Variants in DOCK2 observed in about 807,000 individuals in gnomAD.
DOCK2 encodes dedicator of cytokinesis protein 2.
Under a neutral mutation model 248.9 loss-of-function variants are expected in DOCK2, and 87 were observed. The observed-to-expected ratio is 0.35, with a 90% CI of 0.29 to 0.42. DOCK2 has a LOEUF of 0.42. DOCK2 is among the 10% of genes least tolerant of loss of function. The pLI is 1.00. For synonymous variants in DOCK2, 805 were observed against 821.6 expected, an observed-to-expected ratio of 0.98 and a Z score of 0.35; for missense variants, 1,747 against 2,300.2, an observed-to-expected ratio of 0.76 and a Z score of 4.92.
In DOCK2 at chr5:169,714,230, G is replaced by A. The variant is rs1202981348; in HGVS notation, c.1843+19G>A. The A allele has an allele frequency of 3.7e-6, 6 of 1,601,794 alleles. No individual in the cohort carries two copies. Among genetic ancestry groups the A allele is most frequent in the Non-Finnish European group, 3.4e-6 (4 of 1,171,538 alleles). On this transcript the variant is annotated intron_variant, in intron 18 of 51. Transcript: ENST00000520908. The stretch of plus-strand genomic sequence containing the variant: ...CAGAATGGTAATCGGGTCATCAAGA[G>A]TTGTGTCTGTGGGGAGTGTGTGTGT...
intron 28 of DOCK2, 130 bp downstream of exon 28, chr5:169,983,296 A>G (rs1777987223): frequency 2.1e-6 from 2 of 962,362 alleles, no homozygotes; most frequent in Non-Finnish European, 3.2e-6. Flanking sequence ...TTGTTGATGA[A>G]TCACAGACAT....
intron 29 of DOCK2, among the ~76,000 whole-genome samples, chr5:169,992,445 G>A (rs537641657): frequency 6.6e-6 from 1 of 152,346 alleles, no homozygotes; most frequent in Admixed American, 6.5e-5. Flanking sequence ...TTTACCATAT[G>A]AGTGCTTAGG....
At position 169,680,961 on chromosome 5, in the gene DOCK2, A is replaced by G. The variant is rs567021012; in HGVS notation, c.471-783A>G. Among the ~76,000 whole-genome samples the G allele has an allele frequency of 6.6e-5, 10 of 152,056 alleles. No homozygotes were observed. The East Asian group carries it at 1.7e-3, about 26-fold the overall frequency. ...ATTTATTTATAAAAATAAATATTGT[A>G]TGCACACTGTATGCATCTTTCCATG... is the stretch of plus-strand genomic sequence containing the variant. On this transcript the variant is annotated intron_variant, in intron 6 of 51. Coordinates refer to ENST00000520908, the MANE Select transcript of DOCK2 (RefSeq NM_004946.3).
At chr5:169,909,618 C>CAT (rs1774481495) in intron 27 of DOCK2, among the ~76,000 whole-genome samples, 1 of 152,154 alleles carries the variant, frequency 6.6e-6, no homozygotes, top group Non-Finnish European at 1.5e-5. Context: ...GACCAACATA[C>CAT]ATATCTTCTA....
At chr5:169,699,062 G>A (rs980348177) in intron 11 of DOCK2, among the ~76,000 whole-genome samples, 8 of 151,886 alleles carry the variant, frequency 5.3e-5, no homozygotes, top group South Asian at 4.1e-4. Flanking sequence ...TGCTGAAGGC[G>A]TGTGATAACG....
chr5:169,763,192 G>A lies in DOCK2; in HGVS notation c.2554+1567G>A, dbSNP rs545308897. Reference sequence around the variant, plus strand: ...GTCTTGTTGCACTTCTTGTGTCACTGTGCCTTTTTAAAGTGAGACTTCCAT... The same window carrying A: ...GTCTTGTTGCACTTCTTGTGTCACTATGCCTTTTTAAAGTGAGACTTCCAT... On this transcript the variant is annotated intron_variant, in intron 25 of 51. Transcript: ENST00000520908. The surrounding 1 kb of genome is among the most constrained non-coding windows in gnomAD (Gnocchi z 4.1). Among the ~76,000 whole-genome samples, 34 of 152,280 alleles carry A rather than the reference G, an allele frequency of 2.2e-4. 2 individuals are homozygous for A. In the South Asian group the frequency reaches 5.0e-3, roughly 22 times the overall value.
chr5:169,769,309 G>C (rs1365511165), intron 25 of DOCK2, among the ~76,000 whole-genome samples: 1 of 152,088 alleles, frequency 6.6e-6, no homozygotes, highest in Non-Finnish European at 1.5e-5. Flanking sequence ...ACTCCCTTTG[G>C]GACTTTAGCC....
At chr5:169,899,499 G>A (rs1244228953) in intron 27 of DOCK2, among the ~76,000 whole-genome samples, 1 of 152,174 alleles carries the variant, frequency 6.6e-6, no homozygotes, top group African/African-American at 2.4e-5. Context: ...TCTCAGTCTT[G>A]CTTGCCTCAA....
rs530777726 is a variant in DOCK2, at chr5:170,026,412, G to A, written c.3382-1451G>A. Among the ~76,000 whole-genome samples, 41 of 152,234 alleles carry A rather than the reference G, an allele frequency of 2.7e-4. No homozygotes were observed. The South Asian group carries it at 8.3e-3, about 31-fold the overall frequency. ...TTCATGCATTGTCACATTTAAAGGT[G>A]ATCCGTGACCTCCAGACTTCATGAA... On this transcript the variant is annotated intron_variant, in intron 33 of 51. Coordinates refer to ENST00000520908, the MANE Select transcript of DOCK2 (RefSeq NM_004946.3).
chr5:170,024,925 CT>C, intron 33 of DOCK2, among the ~76,000 whole-genome samples: 1 of 152,172 alleles, frequency 6.6e-6, no homozygotes, highest in Non-Finnish European at 1.5e-5. Flanking sequence ...TTTTGTGATC[CT>C]GAGACAAGTG....
intron 27 of DOCK2, among the ~76,000 whole-genome samples, chr5:169,930,187 T>C (rs1775677548): frequency 6.6e-6 from 1 of 152,152 alleles, no homozygotes; most frequent in South Asian, 2.1e-4. Flanking sequence ...GATGGGGGTT[T>C]CACCATGTTG....
At chr5:169,847,091 T>G (rs1770361789) in intron 27 of DOCK2, among the ~76,000 whole-genome samples, 1 of 152,210 alleles carries the variant, frequency 6.6e-6, no homozygotes, top group African/African-American at 2.4e-5. Flanking sequence ...TATCTACTCA[T>G]TAGCTGATGG....
At chr5:169,976,366 C>T (rs1777718049) in intron 27 of DOCK2, among the ~76,000 whole-genome samples, 4 of 152,256 alleles carry the variant, frequency 2.6e-5, no homozygotes, top group African/African-American at 9.6e-5. Flanking sequence ...TCTAACTTTC[C>T]TCCTGTATAA....
chr5:169,904,122 A>T (rs957298022), intron 27 of DOCK2, among the ~76,000 whole-genome samples: 1 of 131,290 alleles, frequency 7.6e-6, no homozygotes, highest in East Asian at 2.2e-4. Context: ...AGTTTAGGGG[A>T]GGAGAAGGTA....
At chr5:169,883,535 C>T in intron 27 of DOCK2, 5 of 1,551,624 alleles carry the variant, frequency 3.2e-6, no homozygotes, top group Non-Finnish European at 4.4e-6. Flanking sequence ...GGCATTTCCA[C>T]CAGGGACTTA....
intron 30 of DOCK2, among the ~76,000 whole-genome samples, chr5:169,999,246 T>TAAA: frequency 6.6e-6 from 1 of 152,224 alleles, no homozygotes; most frequent in South Asian, 2.1e-4. Flanking sequence ...GCTTGCAAGC[T>TAAA]GAGTGACTTT....
intron 27 of DOCK2, among the ~76,000 whole-genome samples, chr5:169,901,967 G>A (rs1048072760): frequency 1.3e-5 from 2 of 152,148 alleles, no homozygotes; most frequent in Admixed American, 6.5e-5. Flanking sequence ...CATGAGTGGT[G>A]TACACCATAC....
chr5:169,676,402 A>T (rs1266892707), intron 6 of DOCK2, among the ~76,000 whole-genome samples: 1 of 152,188 alleles, frequency 6.6e-6, no homozygotes, highest in African/African-American at 2.4e-5. Context: ...GGTCCTCCCT[A>T]AACCAGCCCC....
intron 27 of DOCK2, among the ~76,000 whole-genome samples, chr5:169,849,925 C>T (rs534072050): frequency 6.6e-6 from 1 of 152,260 alleles, no homozygotes; most frequent in East Asian, 1.9e-4. Flanking sequence ...TGTCAATGAA[C>T]ACCTGCTAAA....
Sources: gnomAD v4.1 joint callset for allele counts (sites outside exome capture counted in the v4.1 genomes callset) on GRCh38, gnomAD v4.1.1 for gene constraint, Gnocchi (gnomAD v3.1) non-coding constraint, MANE v1.5 for transcripts, NCBI Gene and HGNC (gene_info 2026-07-23, HGNC 2026-07-21) for gene names.